Variants in PCDHGA5 observed in about 807,000 individuals in gnomAD.
PCDHGA5 encodes the protein protocadherin gamma-A5.
PCDHGA5 carries 36 observed loss-of-function variants against 56.7 expected under a neutral mutation model. The observed-to-expected ratio is 0.64, with a 90% CI of 0.49 to 0.84. The LOEUF is 0.84. Ranked by LOEUF, PCDHGA5 falls within the 40% of genes least tolerant of loss-of-function variation. PCDHGA5 has a pLI of 0.00. For synonymous variants in PCDHGA5, 563 were observed against 520.2 expected (o/e 1.08, Z -1.12); for missense variants, 1,305 against 1,201.5 (o/e 1.09, Z -1.27).
chr5:141,388,795 C>T, intron 1 of PCDHGA5: 1 of 1,613,834 alleles, frequency 6.2e-7, no homozygotes, highest in Admixed American at 1.7e-5. Context: ...GTTTTAAATA[C>T]ATTAGATTTT....
chr5:141,463,548 A>C (rs2099063677), intron 1 of PCDHGA5, among the ~76,000 whole-genome samples: 1 of 140,798 alleles, frequency 7.1e-6, no homozygotes, highest in Non-Finnish European at 1.5e-5. Context: ...TCCCGGGTTC[A>C]TGCCATTCTC....
chr5:141,371,138 G>C lies in PCDHGA5; in HGVS notation c.2421+4387G>C, dbSNP rs761615775. 4.3e-6 allele frequency: 7 copies of C among 1,613,870 alleles called. No individual in the cohort carries two copies. In the East Asian group the frequency reaches 1.6e-4, roughly 36 times the overall value. On this transcript the variant is annotated intron_variant, in intron 1 of 3. Transcript: ENST00000518069. ...CAGTATTTACTCAGGACATGTACAG[G>C]GTCAATGTTGCAGAGAACCTGCCCG...
At chr5:141,443,874 A>G (rs2098409122) in intron 1 of PCDHGA5, among the ~76,000 whole-genome samples, 1 of 152,190 alleles carries the variant, frequency 6.6e-6, no homozygotes, top group Non-Finnish European at 1.5e-5. Flanking sequence ...AATTACTGAT[A>G]AGTCAAGAGA....
chr5:141,500,114 G>A (rs72790070), intron 2 of PCDHGA5, among the ~76,000 whole-genome samples: 10,550 of 151,670 alleles, frequency 0.07, 640 homozygotes, highest in African/African-American at 0.16. Flanking sequence ...TTGAATCCCT[G>A]CCTTTTCATA....
chr5:141,371,304 A>G (rs745344777), intron 1 of PCDHGA5: 18 of 1,613,870 alleles, frequency 1.1e-5, no homozygotes, highest in East Asian at 4.5e-5. Context: ...ACTCACCACT[A>G]TTGGAGAACT....
chr5:141,408,448 G>A, intron 1 of PCDHGA5: 4 of 1,614,054 alleles, frequency 2.5e-6, no homozygotes, highest in Non-Finnish European at 2.5e-6. Context: ...CGGAGAGCGG[G>A]GACTTACTTG....
intron 1 of PCDHGA5, chr5:141,375,201 A>T (rs1173523858): frequency 6.2e-7 from 1 of 1,614,004 alleles, no homozygotes; most frequent in Non-Finnish European, 8.5e-7. Flanking sequence ...CAAGTGTTCG[A>T]TCGAGACTCT....
intron 1 of PCDHGA5, chr5:141,414,273 G>A: frequency 6.2e-7 from 1 of 1,613,418 alleles, no homozygotes; most frequent in Non-Finnish European, 8.5e-7. Flanking sequence ...ATTCACCTCT[G>A]GGAACAGTCG....
intron 1 of PCDHGA5, chr5:141,414,036 A>G: frequency 6.2e-7 from 1 of 1,612,018 alleles, no homozygotes; most frequent in South Asian, 1.1e-5. Context: ...CATTCCGAAA[A>G]TTACCTGACA....
At chr5:141,433,091 A>C in intron 1 of PCDHGA5, 1 of 1,614,182 alleles carries the variant, frequency 6.2e-7, no homozygotes, top group Non-Finnish European at 8.5e-7. Flanking sequence ...CTATGCAGAC[A>C]TGCTCGTCAG....
At chr5:141,456,860 G>A (rs1345260160) in intron 1 of PCDHGA5, among the ~76,000 whole-genome samples, 1 of 152,170 alleles carries the variant, frequency 6.6e-6, no homozygotes, top group African/African-American at 2.4e-5. Flanking sequence ...CTAATTGGGA[G>A]GCTGAGGCAG....
At chr5:141,400,000 G>A (rs765622041) in intron 1 of PCDHGA5, 1 of 1,612,388 alleles carries the variant, frequency 6.2e-7, no homozygotes, top group Non-Finnish European at 8.5e-7. Context: ...GGTGCGCACA[G>A]CGCGTGCCTT....
intron 1 of PCDHGA5, among the ~76,000 whole-genome samples, chr5:141,437,721 A>G (rs2097904045): frequency 6.6e-6 from 1 of 151,664 alleles, no homozygotes; most frequent in African/African-American, 2.4e-5. Flanking sequence ...TTACCCTCTA[A>G]TGTTACACTT....
chr5:141,410,847 G>GTATTTTTTT, intron 1 of PCDHGA5: 1 of 158,252 alleles, frequency 6.3e-6, no homozygotes, highest in African/African-American at 8.4e-5. Context: ...TTTTGTCTTT[G>GTATTTTTTT]TCTTTTTTTT....
rs191909737 is a variant in PCDHGA5 at position 141,405,622 on chromosome 5, G to A, written c.2421+38871G>A. 9.3e-3 allele frequency: 5,090 copies of A among 544,656 alleles called. 46 individuals are homozygous for A. The highest frequency in any genetic ancestry group is 0.017 in the Admixed American group (494 of 29,130). The allele number at this position is 544,656 out of a possible 1,614,324, so 33.7% of individuals were successfully genotyped here. On this transcript the variant is annotated intron_variant, in intron 1 of 3. Transcript: ENST00000518069. ...GTAGAATAACTGGGACTACAGGCAC[G>A]TGCCACCACGCCCGGCTAATTTTTT...
chr5:141,455,130 A>T (rs1446894125), intron 1 of PCDHGA5, among the ~76,000 whole-genome samples: 2 of 150,970 alleles, frequency 1.3e-5, no homozygotes, highest in African/African-American at 4.8e-5. Flanking sequence ...GTTTTAAATT[A>T]CACTGTGTTA....
chr5:141,409,914 G>T lies in PCDHGA5; in HGVS notation c.2421+43163G>T, dbSNP rs772848211. 58 of 1,613,230 alleles carry T rather than the reference G, an allele frequency of 3.6e-5. No homozygotes were observed. In the East Asian group the frequency reaches 1.2e-3, roughly 35 times the overall value. On this transcript the variant is annotated intron_variant, in intron 1 of 3. Transcript: ENST00000518069. ...CTGTACCCAGCTCTGGGTCCTGACGGCTCCGCGTTCTTCGATATGGTACCT... is the reference window on the plus strand; with the variant it reads ...CTGTACCCAGCTCTGGGTCCTGACGTCTCCGCGTTCTTCGATATGGTACCT...
chr5:141,462,792 G>C (rs2099046915), intron 1 of PCDHGA5, among the ~76,000 whole-genome samples: 1 of 152,080 alleles, frequency 6.6e-6, no homozygotes, highest in Admixed American at 6.6e-5. Flanking sequence ...TTGCTTATTT[G>C]CATGTCTAAT....
chr5:141,423,706 A>C (rs1045905298), intron 1 of PCDHGA5: 1 of 1,231,762 alleles, frequency 8.1e-7, no homozygotes, highest in Admixed American at 3.4e-5. Context: ...TCTTGGCACA[A>C]GTCTTTTAAG....
Sources: allele counts gnomAD v4.1 joint callset (sites outside exome capture counted in the v4.1 genomes callset), GRCh38; gene constraint gnomAD v4.1.1; transcripts MANE v1.5; gene names NCBI Gene and HGNC (gene_info 2026-07-23, HGNC 2026-07-21).